Variants in PCDHGA1 observed in about 807,000 individuals in gnomAD.
PCDHGA1 encodes the protein protocadherin gamma-A1.
In PCDHGA1, 32 loss-of-function variants were observed where a neutral mutation model predicts 58.0. The ratio of observed to expected loss-of-function variants is 0.55; its 90% CI spans 0.42 to 0.74. The LOEUF (loss-of-function observed/expected upper bound fraction) is 0.74, where lower values mean the gene tolerates loss of function less well. Ranked by LOEUF, PCDHGA1 falls within the 30% of genes least tolerant of loss-of-function variation. The pLI is 0.00. For synonymous variants in PCDHGA1, 498 were observed against 501.1 expected, an observed-to-expected ratio of 0.99 and a Z score of 0.08; for missense variants, 1,205 against 1,182.3, an observed-to-expected ratio of 1.02 and a Z score of -0.28.
intron 2 of PCDHGA1, among the ~76,000 whole-genome samples, chr5:141,498,949 AAGAG>A (rs1417276243): frequency 1.3e-4 from 18 of 133,552 alleles, no homozygotes; most frequent in African/African-American, 1.9e-4. Context: ...AAGAAAGAAA[AAGAG>A]AGAGAGGGAG....
intron 3 of PCDHGA1, among the ~76,000 whole-genome samples, chr5:141,506,943 T>A (rs2099857373): frequency 6.6e-6 from 1 of 152,192 alleles, no homozygotes; most frequent in South Asian, 2.1e-4. Context: ...GGGCCTCCTG[T>A]CAATGAATCC....
chr5:141,345,384 A>C (rs1757563479), intron 1 of PCDHGA1: 2 of 1,613,766 alleles, frequency 1.2e-6, no homozygotes, highest in Admixed American at 1.7e-5. Flanking sequence ...CAACCCACCC[A>C]CCTTCCCTCA....
intron 1 of PCDHGA1, chr5:141,356,654 C>G (rs771447398): frequency 6.2e-7 from 1 of 1,613,898 alleles, no homozygotes; most frequent in African/African-American, 1.3e-5. Context: ...GGTGACAATG[C>G]CCGAATCACT....
chr5:141,420,547 G>A (rs898726649), intron 1 of PCDHGA1: 1 of 278,678 alleles, frequency 3.6e-6, no homozygotes, highest in Non-Finnish European at 6.4e-6. Context: ...TAAAATACAG[G>A]TATATTTTTA....
chr5:141,472,316 C>T (rs1456055286), intron 1 of PCDHGA1, among the ~76,000 whole-genome samples: 6 of 151,940 alleles, frequency 3.9e-5, no homozygotes, highest in Non-Finnish European at 8.8e-5. Context: ...CCGAGGCAGG[C>T]AGATCACGAG....
intron 1 of PCDHGA1, chr5:141,366,265 C>A: frequency 6.2e-7 from 1 of 1,613,684 alleles, no homozygotes; most frequent in Non-Finnish European, 8.5e-7. Context: ...TCGTGGTGGC[C>A]GTCGAAGACC....
chr5:141,455,495 G>C (rs2098824459), intron 1 of PCDHGA1, among the ~76,000 whole-genome samples: 1 of 152,204 alleles, frequency 6.6e-6, no homozygotes, highest in East Asian at 1.9e-4. Flanking sequence ...GGTGATGTCT[G>C]ATTTGCATAG....
At chr5:141,444,152 ATTTTTTTTTTTTTTTTTTT>A (rs747671382) in intron 1 of PCDHGA1, among the ~76,000 whole-genome samples, 14 of 33,898 alleles carry the variant, frequency 4.1e-4, no homozygotes, top group South Asian at 3.1e-3. Flanking sequence ...TGTGTACTGG[ATTTTTTTTTTTTTTTTTTT>A]TTTTTTTTTT....
chr5:141,383,570 G>C (rs1312215313), intron 1 of PCDHGA1: 1 of 1,613,234 alleles, frequency 6.2e-7, no homozygotes, highest in South Asian at 1.1e-5. Flanking sequence ...CCCCGATCCA[G>C]CACCGCCCAC....
rs1284989963 is a variant in PCDHGA1 at position 141,419,134 on chromosome 5, A to T, written c.2422-75673A>T. On this transcript the variant is annotated intron_variant, in intron 1 of 3. Transcript: ENST00000517417. ...AGTACAACGTCACCATCGCAGCCAC[A>T]GACAGGGGCAAGCCTCCGTTATCCT... is the stretch of plus-strand genomic sequence containing the variant. 2.5e-6 allele frequency: 4 copies of T among 1,613,826 alleles called. No individual in the cohort carries two copies. In the African/African-American group the frequency reaches 5.3e-5, roughly 22 times the overall value.
At chr5:141,384,969 G>C (rs996601457) in intron 1 of PCDHGA1, 1 of 1,614,014 alleles carries the variant, frequency 6.2e-7, no homozygotes, top group Admixed American at 1.7e-5. Flanking sequence ...ATGACCTCAC[G>C]TTGTACCTGG....
chr5:141,415,905 C>T (rs1278855649), intron 1 of PCDHGA1: 5 of 801,160 alleles, frequency 6.2e-6, no homozygotes, highest in Non-Finnish European at 8.6e-6. Context: ...GACAGACTTC[C>T]ATACAGAAGT....
At chr5:141,484,958 G>T in intron 1 of PCDHGA1, 1 of 575,874 alleles carries the variant, frequency 1.7e-6, no homozygotes. Flanking sequence ...TATTGGCTGA[G>T]CCCGGGAGCC....
At chr5:141,357,032 C>G in intron 1 of PCDHGA1, 7 of 1,614,066 alleles carry the variant, frequency 4.3e-6, no homozygotes, top group Non-Finnish European at 5.9e-6. Context: ...CTACTCAAGT[C>G]CAGCGAGCCG....
intron 1 of PCDHGA1, chr5:141,388,620 G>A (rs2091421768): frequency 6.2e-7 from 1 of 1,613,912 alleles, no homozygotes; most frequent in East Asian, 2.2e-5. Flanking sequence ...CAGTCAAGAC[G>A]TATACAGGGT....
At chr5:141,350,327 T>C (rs1172233869) in intron 1 of PCDHGA1, 1 of 1,534,712 alleles carries the variant, frequency 6.5e-7, no homozygotes, top group Non-Finnish European at 8.7e-7. Flanking sequence ...GCTGTCTTTG[T>C]TCTGCGGGGC....
chr5:141,399,797 G>T, intron 1 of PCDHGA1: 2 of 1,613,192 alleles, frequency 1.2e-6, no homozygotes, highest in Non-Finnish European at 8.5e-7. Context: ...AACGCACCGC[G>T]GGTGCTGTAC....
At chr5:141,488,239 G>A (rs576918071) in intron 1 of PCDHGA1, among the ~76,000 whole-genome samples, 3 of 152,222 alleles carry the variant, frequency 2.0e-5, no homozygotes, top group South Asian at 4.1e-4. Context: ...AACTAGATGC[G>A]GTAAATTGGA....
At position 141,486,837 on chromosome 5, in the gene PCDHGA1, T is replaced by G; in HGVS notation, c.2422-7970T>G. The G allele has an allele frequency of 6.2e-7, 1 of 1,614,256 alleles. No individual in the cohort carries two copies. The highest frequency in any genetic ancestry group is 8.5e-7 in the Non-Finnish European group (1 of 1,180,044). ...AGCACTGTAACAGTTCGTCTATTTG[T>G]GCTGGACCTCAATGACAATGCTCCA... On this transcript the variant is annotated intron_variant, in intron 1 of 3. Transcript: ENST00000517417. The surrounding 1 kb of genome is among the most constrained non-coding windows in gnomAD (Gnocchi z 5.0).
Sources: allele counts gnomAD v4.1 joint callset (sites outside exome capture counted in the v4.1 genomes callset), GRCh38; gene constraint gnomAD v4.1.1; non-coding constraint Gnocchi (gnomAD v3.1); transcripts MANE v1.5; gene names NCBI Gene and HGNC (gene_info 2026-07-23, HGNC 2026-07-21).